The following SYNDIG1L variants were observed in gnomAD, a reference collection of about 807,000 sequenced individuals.
SYNDIG1L encodes the protein synapse differentiation inducing 1 like, also known as synapse differentiation-inducing gene protein 1-like.
SYNDIG1L carries 13 observed loss-of-function variants against 20.1 expected under a neutral mutation model. The ratio of observed to expected loss-of-function variants is 0.65; its 90% CI spans 0.42 to 1.03. SYNDIG1L has a LOEUF of 1.03. Ranked by LOEUF, SYNDIG1L falls within the 50% of genes least tolerant of loss-of-function variation. SYNDIG1L has a pLI of 0.00. For synonymous variants in SYNDIG1L, 128 were observed against 129.3 expected, an observed-to-expected ratio of 0.99 and a Z score of 0.07; for missense variants, 294 against 305.1, an observed-to-expected ratio of 0.96 and a Z score of 0.27.
chr14:74,476,694 C>T, the SYNDIG1L span: 1 of 842,466 alleles, frequency 1.2e-6, no homozygotes. Context: ...ACCCTTGAGC[C>T]ACCTATGCAG....
chr14:74,445,486 G>A, the SYNDIG1L span, among the ~76,000 whole-genome samples: 1 of 130,324 alleles, frequency 7.7e-6, no homozygotes, highest in South Asian at 2.5e-4. Context: ...GTGTGTGTGT[G>A]TGTTTTGAGA....
At chr14:74,476,400 G>C in the SYNDIG1L span, 1 of 825,978 alleles carries the variant, frequency 1.2e-6, no homozygotes, top group Non-Finnish European at 2.0e-6. Flanking sequence ...TGCTTATCTG[G>C]GACATATGAT....
At chr14:74,463,598 G>A in the SYNDIG1L span, among the ~76,000 whole-genome samples, 2 of 152,110 alleles carry the variant, frequency 1.3e-5, no homozygotes, top group Non-Finnish European at 2.9e-5. Context: ...GAGGCCTTAA[G>A]AAGAAATAAG....
intron 1 of SYNDIG1L, among the ~76,000 whole-genome samples, chr14:74,419,057 C>A (rs547864440): frequency 6.6e-6 from 1 of 152,164 alleles, no homozygotes; most frequent in African/African-American, 2.4e-5. Context: ...TTCCCCCTTT[C>A]GGCTCATGTC....
the SYNDIG1L span, among the ~76,000 whole-genome samples, chr14:74,477,631 A>G: frequency 6.6e-6 from 1 of 152,210 alleles, no homozygotes; most frequent in South Asian, 2.1e-4. Flanking sequence ...TATTAGTATG[A>G]AGATTTGACT....
At chr14:74,449,139 G>A in the SYNDIG1L span, among the ~76,000 whole-genome samples, 6 of 151,756 alleles carry the variant, frequency 4.0e-5, no homozygotes, top group East Asian at 1.2e-3. Flanking sequence ...AGGCTGAAGT[G>A]GGAGGATCAC....
intron 1 of SYNDIG1L, among the ~76,000 whole-genome samples, chr14:74,418,537 C>T (rs948248870): frequency 1.3e-5 from 2 of 152,182 alleles, no homozygotes; most frequent in African/African-American, 4.8e-5. Context: ...GACACTCTTT[C>T]TAGGAAGAGT....
Position 74,409,516 on chromosome 14 carries a change from C to T in SYNDIG1L, c.229G>A (p.Asp77Asn), listed in dbSNP as rs1223976130. The part of the protein sequence containing the change: ...WYRPSCLLGR[D>N]KVKEPRAGSC... ...CCTGCCCTGGGCTCCTTGACCTTGTCTCTCCCCAGGAGGCAGCTGGGCCGG... is the reference window on the plus strand; with the variant it reads ...CCTGCCCTGGGCTCCTTGACCTTGTTTCTCCCCAGGAGGCAGCTGGGCCGG... The change falls in exon 2 of 4, where the codon GAC becomes AAC. Residue 77 changes from aspartate to asparagine, a missense_variant. Transcript: ENST00000331628. The T allele has an allele frequency of 1.9e-6, 3 of 1,606,376 alleles. No individual in the cohort carries two copies. The highest frequency in any genetic ancestry group is 1.1e-5 in the South Asian group (1 of 89,960).
At chr14:74,460,266 T>G in the SYNDIG1L span, among the ~76,000 whole-genome samples, 2 of 152,146 alleles carry the variant, frequency 1.3e-5, no homozygotes, top group African/African-American at 4.8e-5. Context: ...TTCTTGGTGC[T>G]GCCGTGGATC....
chr14:74,420,897 C>A (rs2086215893), intron 1 of SYNDIG1L, among the ~76,000 whole-genome samples: 1 of 152,126 alleles, frequency 6.6e-6, no homozygotes, highest in Non-Finnish European at 1.5e-5. Context: ...AGAAGAGAGG[C>A]CTACTGTGGA....
chr14:74,444,250 G>A, the SYNDIG1L span, among the ~76,000 whole-genome samples: 2 of 151,738 alleles, frequency 1.3e-5, no homozygotes, highest in Non-Finnish European at 2.9e-5. Flanking sequence ...AGTAGAGATG[G>A]GGTTTCACCA....
upstream of SYNDIG1L, among the ~76,000 whole-genome samples, chr14:74,430,032 A>C (rs1410384884): frequency 6.6e-6 from 1 of 152,162 alleles, no homozygotes; most frequent in African/African-American, 2.4e-5. Flanking sequence ...CATGCCCAGG[A>C]AAGAAGATGA....
the SYNDIG1L span, chr14:74,479,935 C>T: frequency 8.0e-7 from 1 of 1,246,240 alleles, no homozygotes; most frequent in Non-Finnish European, 1.0e-6. Flanking sequence ...AGACCACAGC[C>T]CACATGCAGA....
chr14:74,409,910 C>T (rs2086118112), intron 1 of SYNDIG1L, 109 bp from the exon 2 acceptor site: 2 of 862,600 alleles, frequency 2.3e-6, no homozygotes, highest in Middle Eastern at 7.9e-4. Context: ...AACTCTGCCT[C>T]TGCCCTTTGC....
the SYNDIG1L span, among the ~76,000 whole-genome samples, chr14:74,455,277 C>T: frequency 6.6e-6 from 1 of 152,190 alleles, no homozygotes; most frequent in Non-Finnish European, 1.5e-5. Context: ...TGGCTGAGGA[C>T]ACCTTTCGTG....
Position 74,409,518 on chromosome 14 carries a change from C to T in SYNDIG1L, c.227G>A (p.Arg76Lys). Reference protein sequence around the residue: ...AWYRPSCLLGRDKVKEPRAGS... With the variant: ...AWYRPSCLLGKDKVKEPRAGS... ...TGCCCTGGGCTCCTTGACCTTGTCT[C>T]TCCCCAGGAGGCAGCTGGGCCGGTA... Residue 76 changes from arginine to lysine, a missense_variant, in exon 2 of 4, where the codon AGA (arginine) becomes AAA (lysine). Coordinates refer to ENST00000331628, the MANE Select transcript of SYNDIG1L (RefSeq NM_001105579.2). The T allele has an allele frequency of 1.2e-6, 2 of 1,604,162 alleles. No individual in the cohort carries two copies. The highest frequency in any genetic ancestry group is 8.5e-7 in the Non-Finnish European group (1 of 1,175,360).
At chr14:74,463,242 ACTT>A in the SYNDIG1L span, among the ~76,000 whole-genome samples, 1 of 151,980 alleles carries the variant, frequency 6.6e-6, no homozygotes, top group African/African-American at 2.4e-5. Context: ...CTAGCTAAAC[ACTT>A]CTTCCTTGGC....
At chr14:74,438,986 T>G in the SYNDIG1L span, among the ~76,000 whole-genome samples, 1 of 152,106 alleles carries the variant, frequency 6.6e-6, no homozygotes, top group East Asian at 1.9e-4. Context: ...TGGTGGCACG[T>G]GCCTGTAATC....
chr14:74,427,466 G>A (rs2086275589), upstream of SYNDIG1L, among the ~76,000 whole-genome samples: 1 of 152,090 alleles, frequency 6.6e-6, no homozygotes, highest in Non-Finnish European at 1.5e-5. Context: ...GTTCGGTGTA[G>A]CTCCTAGAGT....
Sources: allele counts gnomAD v4.1 joint callset (sites outside exome capture counted in the v4.1 genomes callset), GRCh38; gene constraint gnomAD v4.1.1; transcripts MANE v1.5; gene names NCBI Gene and HGNC (gene_info 2026-07-23, HGNC 2026-07-21).